CAMK4: variants seen among roughly 807,000 people sequenced by gnomAD.
CAMK4 encodes calcium/calmodulin-dependent protein kinase type IV.
In CAMK4, 22 loss-of-function variants were observed where a neutral mutation model predicts 44.9. The ratio of observed to expected loss-of-function variants is 0.49; its 90% CI spans 0.35 to 0.70. The LOEUF (loss-of-function observed/expected upper bound fraction) is 0.70, where lower values mean the gene tolerates loss of function less well. CAMK4 is among the 30% of genes least tolerant of loss of function. CAMK4 has a pLI of 0.01. For synonymous variants in CAMK4, 218 were observed against 215.4 expected (o/e 1.01, Z -0.11); for missense variants, 498 against 586.8 (o/e 0.85, Z 1.56).
At chr5:111,409,450 G>A (rs1251654601) in intron 5 of CAMK4, among the ~76,000 whole-genome samples, 1 of 152,200 alleles carries the variant, frequency 6.6e-6, no homozygotes, top group African/African-American at 2.4e-5. Context: ...GGGAGCCCTG[G>A]GTCAGGCCTA....
At chr5:111,323,298 T>G (rs190239057) in intron 1 of CAMK4, among the ~76,000 whole-genome samples, 1 of 152,212 alleles carries the variant, frequency 6.6e-6, no homozygotes. Flanking sequence ...TTTTTTTTAC[T>G]TTATGATGGG....
rs1750504837 is a variant in CAMK4, at chr5:111,359,258, TG to T, written c.240+15157del. Among the ~76,000 whole-genome samples, 4 of 3,282 alleles carry T rather than the reference TG, an allele frequency of 1.2e-3. 2 individuals carry two copies. Among genetic ancestry groups the T allele is most frequent in the Non-Finnish European group, 2.4e-3 (2 of 828 alleles). The allele number at this position is 3,282 out of a possible 152,430, so 2.2% of individuals were successfully genotyped here. ...GATTTTTTTGACTAATAGTAACCAT[TG>T]TGACTGGTGTGAGATGGTATTTGAT... On this transcript the variant is annotated intron_variant, in intron 2 of 10. Coordinates refer to ENST00000282356, the MANE Select transcript of CAMK4 (RefSeq NM_001744.6).
At chr5:111,231,271 G>A (rs1000504905) in intron 1 of CAMK4, among the ~76,000 whole-genome samples, 2 of 152,148 alleles carry the variant, frequency 1.3e-5, no homozygotes, top group Admixed American at 6.5e-5. Context: ...TGGGTAAAGG[G>A]TAATGCAAGT....
At position 111,494,480 on chromosome 5, in the gene CAMK4, C is replaced by G. The variant is rs1755991446; in HGVS notation, c.*10014C>G. The stretch of plus-strand genomic sequence containing the variant: ...ATGCCCATTTGCTGTTGTAGAGCTA[C>G]AGTATTCTTCAATGGTGGTGACTGA... On this transcript the variant is annotated 3_prime_UTR_variant, in exon 11 of 11. Coordinates refer to ENST00000282356, the MANE Select transcript of CAMK4 (RefSeq NM_001744.6). 1 of 152,080 alleles carries G rather than the reference C, an allele frequency of 6.6e-6. No homozygotes were observed. The highest frequency in any genetic ancestry group is 2.4e-5 in the African/African-American group (1 of 41,432). 9.4% of individuals were successfully genotyped at this position (152,080 alleles called of 1,614,324 possible).
At chr5:111,240,100 G>C (rs2112515852) in intron 1 of CAMK4, among the ~76,000 whole-genome samples, 1 of 151,856 alleles carries the variant, frequency 6.6e-6, no homozygotes, top group South Asian at 2.1e-4. Context: ...ATAATTTTTA[G>C]TTTTTTTTCT....
intron 5 of CAMK4, among the ~76,000 whole-genome samples, chr5:111,401,272 G>A (rs1293649376): frequency 6.6e-6 from 1 of 152,094 alleles, no homozygotes; most frequent in African/African-American, 2.4e-5. Flanking sequence ...CCAAGTAGCC[G>A]GGATTACAGG....
At chr5:111,273,718 T>TATATATATATATATATATAC (rs1325875283) in intron 1 of CAMK4, among the ~76,000 whole-genome samples, 1 of 44,798 alleles carries the variant, frequency 2.2e-5, no homozygotes, top group Non-Finnish European at 3.9e-5. Context: ...TATATATATA[T>TATATATATATATATATATAC]ACACACACAT....
chr5:111,410,763 C>T (rs558636585), intron 5 of CAMK4, among the ~76,000 whole-genome samples: 15 of 152,122 alleles, frequency 9.9e-5, no homozygotes, highest in Non-Finnish European at 1.8e-4. Context: ...CAGTTCTCTG[C>T]GATAATCAGG....
intron 1 of CAMK4, among the ~76,000 whole-genome samples, chr5:111,317,961 G>C (rs1748504137): frequency 7.3e-6 from 1 of 137,146 alleles, no homozygotes; most frequent in Non-Finnish European, 1.5e-5. Context: ...TTTTTTATCG[G>C]ACTGTATAAA....
At chr5:111,457,849 G>T (rs944501297) in intron 7 of CAMK4, among the ~76,000 whole-genome samples, 3 of 152,166 alleles carry the variant, frequency 2.0e-5, no homozygotes, top group Non-Finnish European at 2.9e-5. Flanking sequence ...ATCAAGTAAA[G>T]GACGATCTCA....
intron 5 of CAMK4, among the ~76,000 whole-genome samples, chr5:111,412,027 G>T (rs1426463177): frequency 6.6e-6 from 1 of 152,062 alleles, no homozygotes; most frequent in African/African-American, 2.4e-5. Context: ...GCTCTGCTTA[G>T]GAGCATAAAT....
chr5:111,251,448 T>G (rs910454848), intron 1 of CAMK4, among the ~76,000 whole-genome samples: 5 of 152,152 alleles, frequency 3.3e-5, no homozygotes, highest in Non-Finnish European at 7.4e-5. Context: ...CTAAAAAAAC[T>G]CCAAGACAGT....
chr5:111,429,580 A>G (rs1008929462), intron 5 of CAMK4, among the ~76,000 whole-genome samples: 4 of 151,712 alleles, frequency 2.6e-5, no homozygotes, highest in Admixed American at 2.0e-4. Context: ...CCAGATCAGC[A>G]TGGGCAACAT....
Position 111,410,813 on chromosome 5 carries a change from A to G in CAMK4, c.459+16031A>G, listed in dbSNP as rs1195635253. On this transcript the variant is annotated intron_variant, in intron 5 of 10. Coordinates refer to ENST00000282356, the MANE Select transcript of CAMK4 (RefSeq NM_001744.6). ...TTTCTGGGTCAGAAGGAGAGCTTCA[A>G]GGCAATGCTATAATAATATTCTGTT... 2.6e-5 allele frequency among the ~76,000 whole-genome samples: 4 copies of G among 152,314 alleles called. No homozygotes were observed. The East Asian group carries it at 5.8e-4, about 22-fold the overall frequency.
intron 7 of CAMK4, among the ~76,000 whole-genome samples, chr5:111,461,969 C>G (rs1449988807): frequency 6.6e-6 from 1 of 151,984 alleles, no homozygotes; most frequent in African/African-American, 2.4e-5. Flanking sequence ...AATTTTGAAA[C>G]AAACAAGACC....
intron 4 of CAMK4, among the ~76,000 whole-genome samples, chr5:111,391,203 G>A (rs892198234): frequency 1.3e-5 from 2 of 151,840 alleles, no homozygotes; most frequent in African/African-American, 4.8e-5. Flanking sequence ...GTGTAGAGAC[G>A]GTAAAGGCAA....
chr5:111,362,101 A>T (rs891522064), intron 2 of CAMK4, among the ~76,000 whole-genome samples: 1 of 152,088 alleles, frequency 6.6e-6, no homozygotes, highest in East Asian at 1.9e-4. Flanking sequence ...TTTCACAGGG[A>T]CTAGGAAATT....
chr5:111,420,388 G>A (rs187251948), intron 5 of CAMK4, among the ~76,000 whole-genome samples: 13,279 of 151,924 alleles, frequency 0.087, 767 homozygotes, highest in Non-Finnish European at 0.12. Context: ...TCTGCAAACA[G>A]GGACAATTTG....
intron 2 of CAMK4, among the ~76,000 whole-genome samples, chr5:111,367,861 A>G (rs1750853386): frequency 6.6e-6 from 1 of 152,004 alleles, no homozygotes; most frequent in Non-Finnish European, 1.5e-5. Flanking sequence ...ATGTCTCTGG[A>G]GAAGTACCAT....
Sources: gnomAD v4.1 joint callset for allele counts (sites outside exome capture counted in the v4.1 genomes callset) on GRCh38, gnomAD v4.1.1 for gene constraint, MANE v1.5 for transcripts, NCBI Gene and HGNC (gene_info 2026-07-23, HGNC 2026-07-21) for gene names.